CFTR: variants seen among roughly 807,000 people sequenced by gnomAD.
The protein encoded by CFTR is cystic fibrosis transmembrane conductance regulator.
CFTR carries 181 observed loss-of-function variants against 171.6 expected under a neutral mutation model. The observed-to-expected ratio is 1.05, with a 90% CI of 0.93 to 1.19. The LOEUF is 1.19. Ranked by LOEUF, CFTR falls within the 50% of genes most tolerant of loss-of-function variation. CFTR has a pLI of 0.00. For synonymous variants in CFTR, 583 were observed against 608.0 expected (o/e 0.96, Z 0.60); for missense variants, 1,968 against 1,734.7 (o/e 1.13, Z -2.39).
intron 18 of CFTR, among the ~76,000 whole-genome samples, chr7:117,608,673 A>G (rs1216573990): frequency 6.6e-6 from 1 of 152,126 alleles, no homozygotes; most frequent in African/African-American, 2.4e-5. Context: ...GTTAATTTTG[A>G]TTTTGTTAAA....
rs968952171 is a variant in CFTR at position 117,581,387 on chromosome 7, T to C, written c.1585-6352T>C. Among the ~76,000 whole-genome samples the C allele has an allele frequency of 2.0e-5, 3 of 151,248 alleles. No homozygotes were observed. Among genetic ancestry groups the C allele is most frequent in the African/African-American group, 7.3e-5 (3 of 41,104 alleles). ...ACGTGATCAGGCCTTAAAAATCTGC[T>C]TTTTTTTTGTAATGGTAGAATGGGG... is the stretch of plus-strand genomic sequence containing the variant. On this transcript the variant is annotated intron_variant, in intron 11 of 26. Transcript: ENST00000003084.
Position 117,614,490 on chromosome 7 carries a change from A to AAATT in CFTR, c.3368-121_3368-118dup, listed in dbSNP as rs1311244620. Reference sequence around the variant, plus strand: ...ATGAACTGAGATTTAAAAATTGTTAAAATTAGCATAAAATTGAAATGTAAA... The same window carrying AAATT: ...ATGAACTGAGATTTAAAAATTGTTAAAATTAATTAGCATAAAATTGAAATGTAAA... On this transcript the variant is annotated intron_variant, in intron 20 of 26. Coordinates refer to ENST00000003084, the MANE Select transcript of CFTR (RefSeq NM_000492.4). 2.9e-5 allele frequency: 21 copies of AAATT among 730,566 alleles called. No individual in the cohort carries two copies. The highest frequency in any genetic ancestry group is 5.3e-5 in the Non-Finnish European group (21 of 397,658). The allele number at this position is 730,566 out of a possible 1,614,324, so 45.3% of individuals were successfully genotyped here.
In CFTR at chr7:117,664,553, T is replaced by A. The variant is rs931320842; in HGVS notation, c.3964-135T>A. The A allele has an allele frequency of 3.3e-5, 26 of 776,212 alleles. No homozygotes were observed. The African/African-American group carries it at 3.9e-4, about 12-fold the overall frequency. 48.1% of individuals were successfully genotyped at this position (776,212 alleles called of 1,614,324 possible). ...TAGACTTTTGCTCAATCAATTCAAA[T>A]GGTGGCAGGTAGTGGGGGTAGAGGG... On this transcript the variant is annotated intron_variant, in intron 24 of 26. Coordinates refer to ENST00000003084, the MANE Select transcript of CFTR (RefSeq NM_000492.4).
At position 117,606,734 on chromosome 7, in the gene CFTR, C is replaced by A. The variant is rs201761547; in HGVS notation, c.2969C>A (p.Thr990Asn). 6.3e-7 allele frequency: 1 copy of A among 1,577,426 alleles called. No homozygotes were observed. Among genetic ancestry groups the A allele is most frequent in the Admixed American group, 1.7e-5 (1 of 59,914 alleles). ...IAILDDLLPL[T>N]IFDFIQLLLI... ...ATTTTGGATGACCTTCTGCCTCTTA[C>A]CATATTTGACTTCATCCAGGTATGT... Residue 990 changes from threonine to asparagine, a missense_variant, in exon 18 of 27, where the codon ACC becomes AAC. Transcript: ENST00000003084.
At chr7:117,595,194 C>A (rs1170223829) in intron 15 of CFTR, 136 bp downstream of exon 15, 5 of 642,470 alleles carry the variant, frequency 7.8e-6, no homozygotes, top group Non-Finnish European at 1.4e-5. Flanking sequence ...CATATATACA[C>A]ACATATATCA....
At chr7:117,635,244 G>T (rs572783189) in intron 22 of CFTR, among the ~76,000 whole-genome samples, 2 of 152,202 alleles carry the variant, frequency 1.3e-5, no homozygotes, top group African/African-American at 4.8e-5. Flanking sequence ...CTCTCTGAAA[G>T]AAATATAGCC....
At chr7:117,661,153 A>AT (rs762486655) in intron 24 of CFTR, among the ~76,000 whole-genome samples, 23 of 152,300 alleles carry the variant, frequency 1.5e-4, no homozygotes, top group Non-Finnish European at 2.6e-4. Flanking sequence ...ATACTTAATA[A>AT]ATTTCTTAAA....
At chr7:117,612,045 A>ATATATATG (rs1792412497) in intron 20 of CFTR, among the ~76,000 whole-genome samples, 4 of 73,350 alleles carry the variant, frequency 5.5e-5, no homozygotes, top group African/African-American at 6.2e-5. Flanking sequence ...ATATATATAT[A>ATATATATG]TATATATACA....
chr7:117,584,774 C>G (rs903955532), intron 11 of CFTR, among the ~76,000 whole-genome samples: 1 of 152,020 alleles, frequency 6.6e-6, no homozygotes. Context: ...TGGTCATTTT[C>G]ATAGTATTGA....
In CFTR at chr7:117,616,822, T is replaced by C. The variant is rs213982; in HGVS notation, c.3468+2109T>C. On this transcript the variant is annotated intron_variant, in intron 21 of 26. Transcript: ENST00000003084. ...TTTTGTTTGAATATCAAAGCTAATATGTGAGTGATTTCCCTGCCAAATAGC... is the reference window on the plus strand; with the variant it reads ...TTTTGTTTGAATATCAAAGCTAATACGTGAGTGATTTCCCTGCCAAATAGC... 0.022 allele frequency among the ~76,000 whole-genome samples: 3,356 copies of C among 152,288 alleles called. 115 individuals carry two copies. Among genetic ancestry groups the C allele is most frequent in the African/African-American group, 0.075 (3,109 of 41,570 alleles).
intron 11 of CFTR, chr7:117,560,677 A>G (rs1209399040): frequency 3.3e-5 from 5 of 151,890 alleles, no homozygotes; most frequent in African/African-American, 4.8e-5. Flanking sequence ...CTTATTTTTT[A>G]TACACTTTGA....
chr7:117,585,411 A>C (rs1320839200), intron 11 of CFTR, among the ~76,000 whole-genome samples: 1 of 152,130 alleles, frequency 6.6e-6, no homozygotes, highest in Non-Finnish European at 1.5e-5. Flanking sequence ...TTAATACTTA[A>C]AAATATTTTG....
At chr7:117,531,136 C>A (rs769423740) in intron 4 of CFTR, 22 bp downstream of exon 4, 1 of 1,535,024 alleles carries the variant, frequency 6.5e-7, no homozygotes. Flanking sequence ...TTGCACAGGC[C>A]CCATGGCACA....
At chr7:117,578,575 T>C (rs531267171) in intron 11 of CFTR, among the ~76,000 whole-genome samples, 16 of 152,232 alleles carry the variant, frequency 1.1e-4, no homozygotes, top group African/African-American at 3.4e-4. Flanking sequence ...CCAAGGGCGT[T>C]GTCCAAGGGT....
intron 11 of CFTR, among the ~76,000 whole-genome samples, chr7:117,586,862 T>G (rs148822953): frequency 2.0e-5 from 3 of 152,192 alleles, no homozygotes; most frequent in Admixed American, 2.0e-4. Flanking sequence ...TTTGAAAGCC[T>G]CTAGGGTATT....
In CFTR at chr7:117,667,188, T is replaced by C; in HGVS notation, c.*80T>C. The stretch of plus-strand genomic sequence containing the variant: ...GACAGTCACCTCATGGAATTGGAGC[T>C]CGTGGAACAGTTACCTCTGCCTCAG... On this transcript the variant is annotated 3_prime_UTR_variant, in exon 27 of 27. Coordinates refer to ENST00000003084, the MANE Select transcript of CFTR (RefSeq NM_000492.4). The C allele has an allele frequency of 7.8e-7, 1 of 1,277,600 alleles. No individual in the cohort carries two copies. The highest frequency in any genetic ancestry group is 1.1e-6 in the Non-Finnish European group (1 of 886,416). 79.1% of individuals were successfully genotyped at this position (1,277,600 alleles called of 1,614,324 possible). A position where few individuals can be genotyped will look rare whatever the true frequency, so the allele number is the denominator to read the frequency against.
At chr7:117,647,943 G>A (rs1016655360) in intron 23 of CFTR, among the ~76,000 whole-genome samples, 4 of 150,674 alleles carry the variant, frequency 2.7e-5, no homozygotes, top group African/African-American at 7.3e-5. Flanking sequence ...AAAAAGGGAC[G>A]TCCAAACCAC....
In CFTR at chr7:117,598,227, T is replaced by A. The variant is rs1289827605; in HGVS notation, c.2619+3169T>A. Among the ~76,000 whole-genome samples, 3 of 152,212 alleles carry A rather than the reference T, an allele frequency of 2.0e-5. No homozygotes were observed. The East Asian group carries it at 5.8e-4, about 29-fold the overall frequency. On this transcript the variant is annotated intron_variant, in intron 15 of 26. Coordinates refer to ENST00000003084, the MANE Select transcript of CFTR (RefSeq NM_000492.4). ...CCATATGGGCACAACAAAACACATC[T>A]GTGGCTTGGATTCAGCTTGTGAATG... is the stretch of plus-strand genomic sequence containing the variant.
intron 10 of CFTR, among the ~76,000 whole-genome samples, chr7:117,557,048 A>G (rs573465932): frequency 6.6e-6 from 1 of 151,764 alleles, no homozygotes; most frequent in Non-Finnish European, 1.5e-5. Flanking sequence ...TAGATGTTTG[A>G]CGCTTTTTTA....
Sources: gnomAD v4.1 joint callset for allele counts (sites outside exome capture counted in the v4.1 genomes callset) on GRCh38, gnomAD v4.1.1 for gene constraint, MANE v1.5 for transcripts, NCBI Gene and HGNC (gene_info 2026-07-23, HGNC 2026-07-21) for gene names.